ZBTB20: variants seen among roughly 807,000 people sequenced by gnomAD.
ZBTB20 encodes the protein zinc finger and BTB domain containing 20.
In ZBTB20, 9 loss-of-function variants were observed where a neutral mutation model predicts 56.9. The observed-to-expected ratio is 0.16, with a 90% CI of 0.10 to 0.28. The LOEUF is 0.28. Ranked by LOEUF, ZBTB20 falls within the 10% of genes least tolerant of loss-of-function variation. The pLI is 1.00. For missense variants in ZBTB20, 655 were observed against 1,003.0 expected (o/e 0.65, Z 4.69); for synonymous variants, 417 against 420.7 (o/e 0.99, Z 0.11).
intron 4 of ZBTB20, among the ~76,000 whole-genome samples, chr3:114,802,050 A>G (rs2071760979): frequency 6.6e-6 from 1 of 151,932 alleles, no homozygotes; most frequent in South Asian, 2.1e-4. Flanking sequence ...TAAATTAAAA[A>G]AATCACATCA....
chr3:114,513,155 T>C (rs2045595600), intron 6 of ZBTB20, among the ~76,000 whole-genome samples: 1 of 152,218 alleles, frequency 6.6e-6, no homozygotes, highest in South Asian at 2.1e-4. Flanking sequence ...ATTTAATGTA[T>C]GTATAGAGCA....
At chr3:114,895,728 T>C (rs945649608) in intron 4 of ZBTB20, among the ~76,000 whole-genome samples, 3 of 152,138 alleles carry the variant, frequency 2.0e-5, no homozygotes, top group African/African-American at 4.8e-5. Context: ...CAGAGACTAC[T>C]ATGCAATAAT....
chr3:114,556,935 C>A (rs1234689547), intron 6 of ZBTB20, among the ~76,000 whole-genome samples: 1 of 152,008 alleles, frequency 6.6e-6, no homozygotes, highest in African/African-American at 2.4e-5. Flanking sequence ...CTGAGCAAAA[C>A]AACCTTTGAT....
At chr3:114,691,156 T>C (rs368166792) in intron 6 of ZBTB20, among the ~76,000 whole-genome samples, 2 of 152,178 alleles carry the variant, frequency 1.3e-5, no homozygotes, top group Non-Finnish European at 1.5e-5. Flanking sequence ...TACAATCAAC[T>C]GTTACATGTT....
chr3:114,424,012 A>G (rs1249133786), intron 7 of ZBTB20, among the ~76,000 whole-genome samples: 1 of 152,218 alleles, frequency 6.6e-6, no homozygotes, highest in Non-Finnish European at 1.5e-5. Context: ...GGCAGAGGTC[A>G]AGGAAGTAAA....
chr3:114,990,677 A>AACTCCT (rs1461100069), intron 2 of ZBTB20, among the ~76,000 whole-genome samples: 2 of 152,158 alleles, frequency 1.3e-5, no homozygotes, highest in Admixed American at 6.5e-5. Context: ...TTCAGGAGGA[A>AACTCCT]TGGTACCAGC....
chr3:114,704,287 A>C (rs1036228742), intron 5 of ZBTB20, among the ~76,000 whole-genome samples: 1 of 152,000 alleles, frequency 6.6e-6, no homozygotes, highest in Non-Finnish European at 1.5e-5. Context: ...GTCTATATTT[A>C]TATGCTTATG....
At chr3:114,849,227 C>T in intron 4 of ZBTB20, among the ~76,000 whole-genome samples, 1 of 152,124 alleles carries the variant, frequency 6.6e-6, no homozygotes, top group East Asian at 1.9e-4. Flanking sequence ...CAGGGATAAT[C>T]TAATCATTTC....
chr3:114,920,542 C>A (rs1191794543), intron 3 of ZBTB20, among the ~76,000 whole-genome samples: 1 of 151,942 alleles, frequency 6.6e-6, no homozygotes, highest in East Asian at 1.9e-4. Context: ...TCTTAACAGC[C>A]AATGTGTAAA....
At chr3:115,015,126 T>C (rs935231134) in intron 2 of ZBTB20, among the ~76,000 whole-genome samples, 8 of 151,776 alleles carry the variant, frequency 5.3e-5, no homozygotes, top group African/African-American at 1.2e-4. Context: ...GTAGAAATCA[T>C]TGCTTATCAT....
In ZBTB20 at chr3:114,331,105, ATGTG is replaced by A. The variant is rs58242110; in HGVS notation, c.*7896_*7899del. The A allele has an allele frequency of 0.044, 6,560 of 148,692 alleles. 459 individuals carry two copies. Among genetic ancestry groups the A allele is most frequent in the African/African-American group, 0.15 (6,014 of 40,726 alleles). 9.2% of individuals were successfully genotyped at this position (148,692 alleles called of 1,614,324 possible). On this transcript the variant is annotated 3_prime_UTR_variant, in exon 12 of 12. Transcript: ENST00000675478. ...AAGCTTTAGTTTGAGAATAAAATTT[ATGTG>A]TGTGTGTGTGTGTGTGTGTGTGTGT...
At chr3:114,390,992 T>G (rs200214569) in intron 7 of ZBTB20, among the ~76,000 whole-genome samples, 2 of 33,314 alleles carry the variant, frequency 6.0e-5, no homozygotes, top group Non-Finnish European at 5.8e-5. Flanking sequence ...AATTCTTCCG[T>G]TTTTTTTTTC....
At chr3:115,046,469 G>C (rs879922515) in intron 2 of ZBTB20, among the ~76,000 whole-genome samples, 1 of 152,062 alleles carries the variant, frequency 6.6e-6, no homozygotes, top group Non-Finnish European at 1.5e-5. Context: ...CTCAGTGATC[G>C]TTGAGCCATA....
rs555893786 is a variant in ZBTB20 at position 114,380,235 on chromosome 3, G to A, written c.181C>T (p.His61Tyr). Residue 61 changes from histidine to tyrosine, a missense_variant, in exon 10 of 12, where the codon CAC (histidine) becomes TAC (tyrosine). Around this residue, in one of 10 missense-constraint regions of ZBTB20, gnomAD observed 79 missense variants for 78.4 expected, o/e 1.01. Transcript: ENST00000675478. ...TACTCACAATCAGATGACCCGGTGT[G>A]AGCGTGAGAGTTTGTCAGTGAATGT... Reference protein sequence around the residue: ...STHSLTNSHAHTGSSDCDISC... With the variant: ...STHSLTNSHAYTGSSDCDISC... The A allele has an allele frequency of 4.6e-6, 7 of 1,536,862 alleles. No homozygotes were observed. The South Asian group carries it at 4.8e-5, about 10-fold the overall frequency.
chr3:114,657,640 G>A (rs1470216705), intron 6 of ZBTB20, among the ~76,000 whole-genome samples: 1 of 152,130 alleles, frequency 6.6e-6, no homozygotes, highest in African/African-American at 2.4e-5. Flanking sequence ...AAACCAATAA[G>A]ATTGTGGTTT....
At chr3:115,006,787 T>TA (rs910276179) in intron 2 of ZBTB20, among the ~76,000 whole-genome samples, 4 of 151,774 alleles carry the variant, frequency 2.6e-5, no homozygotes, top group African/African-American at 9.7e-5. Context: ...ATCTAATTCT[T>TA]AGTGTTTTAA....
intron 6 of ZBTB20, among the ~76,000 whole-genome samples, chr3:114,615,243 G>A (rs1264225990): frequency 6.6e-6 from 1 of 152,150 alleles, no homozygotes; most frequent in East Asian, 1.9e-4. Flanking sequence ...TTATATAAAT[G>A]TATTTTCCTT....
chr3:114,667,918 T>C lies in ZBTB20; in HGVS notation c.-295+25610A>G, dbSNP rs147701127. Among the ~76,000 whole-genome samples, 13 of 152,062 alleles carry C rather than the reference T, an allele frequency of 8.5e-5. No homozygotes were observed. In the East Asian group the frequency reaches 2.5e-3, roughly 29 times the overall value. ...CCACATGCTCACAAGCAAAATAATA[T>C]TCTCTCAATCCTCAAATGGAAATGG... On this transcript the variant is annotated intron_variant, in intron 6 of 11. Coordinates refer to ENST00000675478, the MANE Select transcript of ZBTB20 (RefSeq NM_001348800.3).
chr3:114,871,988 C>A (rs1056586692), intron 4 of ZBTB20, among the ~76,000 whole-genome samples: 4 of 152,044 alleles, frequency 2.6e-5, no homozygotes, highest in Non-Finnish European at 5.9e-5. Context: ...TTTTCATGAT[C>A]TTCTCTCTGC....
Sources: allele counts gnomAD v4.1 joint callset (sites outside exome capture counted in the v4.1 genomes callset), GRCh38; gene constraint gnomAD v4.1.1; regional missense constraint gnomAD v4.1.1; transcripts MANE v1.5; gene names NCBI Gene and HGNC (gene_info 2026-07-23, HGNC 2026-07-21).